IMPG1: variants seen among roughly 807,000 people sequenced by gnomAD.
IMPG1 encodes the protein interphotoreceptor matrix proteoglycan 1.
In IMPG1, 85 loss-of-function variants were observed where a neutral mutation model predicts 92.0. The ratio of observed to expected loss-of-function variants is 0.92; its 90% CI spans 0.78 to 1.11. IMPG1 has a LOEUF of 1.11. IMPG1 is among the 50% of genes least tolerant of loss of function. IMPG1 has a pLI of 0.00. For missense variants in IMPG1, 1,022 were observed against 956.0 expected (o/e 1.07, Z -0.91); for synonymous variants, 367 against 334.1 (o/e 1.10, Z -1.08).
rs977827982 is a variant in IMPG1, at chr6:76,002,814, T to C, written c.1291+104A>G. The C allele has an allele frequency of 1.0e-5, 9 of 858,382 alleles. No individual in the cohort carries two copies. In the Admixed American group the frequency reaches 1.2e-4, roughly 11 times the overall value. 53.2% of individuals were successfully genotyped at this position (858,382 alleles called of 1,614,324 possible). A position where few individuals can be genotyped will look rare whatever the true frequency, so the allele number is the denominator to read the frequency against. On this transcript the variant is annotated intron_variant, in intron 12 of 16. Transcript: ENST00000369950. Reference sequence around the variant, plus strand: ...ATGCTGGTGGCAGTGAACCTTTTCCTGGGTTCGGGATGGCTTTGTCACTGG... The same window carrying C: ...ATGCTGGTGGCAGTGAACCTTTTCCCGGGTTCGGGATGGCTTTGTCACTGG...
intron 12 of IMPG1, among the ~76,000 whole-genome samples, chr6:75,984,836 T>C (rs1397506390): frequency 6.6e-6 from 1 of 152,132 alleles, no homozygotes; most frequent in African/African-American, 2.4e-5. Flanking sequence ...TAAAAGAGCA[T>C]GGCAACTTCC....
chr6:76,013,651 C>G (rs1783231250), intron 7 of IMPG1, among the ~76,000 whole-genome samples: 1 of 152,014 alleles, frequency 6.6e-6, no homozygotes, highest in South Asian at 2.1e-4. Flanking sequence ...CCTGTTTATT[C>G]ATTTTTCTTT....
intron 14 of IMPG1, chr6:75,935,189 T>C (rs1430133098): frequency 2.7e-6 from 1 of 369,784 alleles, no homozygotes; most frequent in Non-Finnish European, 5.5e-6. Flanking sequence ...CACTGTGCCT[T>C]GCGCGTTGGT....
chr6:76,054,223 T>C (rs1312226482), intron 1 of IMPG1, among the ~76,000 whole-genome samples: 3 of 152,126 alleles, frequency 2.0e-5, no homozygotes, highest in Non-Finnish European at 4.4e-5. Flanking sequence ...AAAATAGATG[T>C]TACTGTTTTG....
chr6:76,035,279 G>A (rs1316086297), intron 2 of IMPG1, among the ~76,000 whole-genome samples: 2 of 151,932 alleles, frequency 1.3e-5, no homozygotes, highest in South Asian at 2.1e-4. Context: ...GAGGTGGGCG[G>A]ATCACCTGAG....
intron 12 of IMPG1, among the ~76,000 whole-genome samples, chr6:75,986,971 C>A (rs957657112): frequency 6.6e-6 from 1 of 152,164 alleles, no homozygotes; most frequent in African/African-American, 2.4e-5. Context: ...ATAATTACAT[C>A]TCAGGAAACT....
intron 11 of IMPG1, among the ~76,000 whole-genome samples, chr6:76,003,502 A>G (rs1458880369): frequency 6.6e-6 from 1 of 152,194 alleles, no homozygotes; most frequent in Non-Finnish European, 1.5e-5. Flanking sequence ...CAAATTTATA[A>G]AGTATGATCA....
In IMPG1 at chr6:75,921,133, T is replaced by C. The variant is rs1014312645; in HGVS notation, c.*956A>G. On this transcript the variant is annotated 3_prime_UTR_variant, in exon 17 of 17. Coordinates refer to ENST00000369950, the MANE Select transcript of IMPG1 (RefSeq NM_001563.4). ...AACCTATGAGTATATCACTTTTACT[T>C]TATTGAAATTAAGGTTTGTAGCAAA... 6.6e-6 allele frequency: 1 copy of C among 152,194 alleles called. No individual in the cohort carries two copies. The highest frequency in any genetic ancestry group is 2.4e-5 in the African/African-American group (1 of 41,432). 9.4% of individuals were successfully genotyped at this position (152,194 alleles called of 1,614,324 possible).
At chr6:76,071,188 A>C (rs946690782) in intron 1 of IMPG1, among the ~76,000 whole-genome samples, 15 of 148,348 alleles carry the variant, frequency 1.0e-4, no homozygotes, top group African/African-American at 3.2e-4. Flanking sequence ...AATTATATAT[A>C]ATTATATATT....
intron 4 of IMPG1, among the ~76,000 whole-genome samples, chr6:76,025,554 A>C (rs980443175): frequency 2.0e-5 from 3 of 152,090 alleles, no homozygotes; most frequent in Non-Finnish European, 4.4e-5. Flanking sequence ...TTGGGGTCTA[A>C]TGTTGTAGTT....
At chr6:76,002,851 G>T in intron 12 of IMPG1, 67 bp downstream of exon 12, 1 of 1,210,438 alleles carries the variant, frequency 8.3e-7, no homozygotes, top group Non-Finnish European at 1.2e-6. Flanking sequence ...CTTTGAGGCA[G>T]TATCATAATG....
intron 7 of IMPG1, among the ~76,000 whole-genome samples, chr6:76,012,003 C>G (rs75678615): frequency 0.053 from 8,040 of 151,742 alleles, 274 homozygotes; most frequent in Non-Finnish European, 0.08. Context: ...AATATTTTAG[C>G]TATGATATTT....
chr6:75,938,748 G>A (rs1187311644), intron 14 of IMPG1, among the ~76,000 whole-genome samples: 3 of 152,158 alleles, frequency 2.0e-5, no homozygotes, highest in Non-Finnish European at 4.4e-5. Flanking sequence ...GGGAGGCGGA[G>A]ATTGCAGTGA....
chr6:76,042,286 G>C (rs1783858581), intron 1 of IMPG1, among the ~76,000 whole-genome samples, 160 bp from the exon 2 acceptor site: 1 of 151,956 alleles, frequency 6.6e-6, no homozygotes, highest in Non-Finnish European at 1.5e-5. Context: ...AAATGACAAG[G>C]CATTTTCAGA....
At chr6:75,926,770 CTATGTATACAACATCT>C (rs1248620758) in intron 15 of IMPG1, among the ~76,000 whole-genome samples, 2 of 151,994 alleles carry the variant, frequency 1.3e-5, no homozygotes. Flanking sequence ...ATGGCAGAAT[CTATGTATACAACATCT>C]AAACTTGAGG....
intron 12 of IMPG1, among the ~76,000 whole-genome samples, chr6:75,987,454 T>G (rs191778896): frequency 0.057 from 4,235 of 74,878 alleles, 129 homozygotes; most frequent in African/African-American, 0.18. Flanking sequence ...TCCCTCCCCC[T>G]CCCCCCTGCC....
Position 75,921,851 on chromosome 6 carries a change from A to G in IMPG1, c.*238T>C, listed in dbSNP as rs1347001492. 1 of 343,986 alleles carries G rather than the reference A, an allele frequency of 2.9e-6. No individual in the cohort carries two copies. The highest frequency in any genetic ancestry group is 5.3e-6 in the Non-Finnish European group (1 of 189,388). 21.3% of individuals were successfully genotyped at this position (343,986 alleles called of 1,614,324 possible). A position where few individuals can be genotyped will look rare whatever the true frequency, so the allele number is the denominator to read the frequency against. ...TGACTATCATCCAAGAATAGTAAAAATATGTTTCGCTGATTGCATTTGGGG... is the reference window on the plus strand; with the variant it reads ...TGACTATCATCCAAGAATAGTAAAAGTATGTTTCGCTGATTGCATTTGGGG... On this transcript the variant is annotated 3_prime_UTR_variant, in exon 17 of 17. Coordinates refer to ENST00000369950, the MANE Select transcript of IMPG1 (RefSeq NM_001563.4).
At chr6:76,005,167 G>T in intron 10 of IMPG1, 120 bp downstream of exon 10, 1 of 958,698 alleles carries the variant, frequency 1.0e-6, no homozygotes, top group Non-Finnish European at 1.6e-6. Flanking sequence ...ATGTATTCCT[G>T]TCACAGTAAT....
intron 1 of IMPG1, among the ~76,000 whole-genome samples, chr6:76,055,574 G>C (rs1346697164): frequency 6.6e-6 from 1 of 151,374 alleles, no homozygotes; most frequent in Admixed American, 6.6e-5. Context: ...ATGTGAAAGA[G>C]ATCATAAATA....
Sources: gnomAD v4.1 joint callset for allele counts (sites outside exome capture counted in the v4.1 genomes callset) on GRCh38, gnomAD v4.1.1 for gene constraint, MANE v1.5 for transcripts, NCBI Gene and HGNC (gene_info 2026-07-23, HGNC 2026-07-21) for gene names.